TES: variants seen among roughly 807,000 people sequenced by gnomAD.
TES encodes testin LIM domain protein, also known as testin.
A neutral mutation model predicts 48.2 loss-of-function variants in TES; 41 were observed. That is an observed-to-expected ratio of 0.85 (90% CI 0.66 to 1.10). TES has a LOEUF of 1.10. TES is among the 50% of genes least tolerant of loss of function. The pLI is 0.00. For synonymous variants in TES, 162 were observed against 174.9 expected, an observed-to-expected ratio of 0.93 and a Z score of 0.58; for missense variants, 463 against 515.1, an observed-to-expected ratio of 0.90 and a Z score of 0.98.
chr7:116,214,536 G>A (rs1799472859), intron 1 of TES, among the ~76,000 whole-genome samples: 1 of 152,158 alleles, frequency 6.6e-6, no homozygotes, highest in Non-Finnish European at 1.5e-5. Context: ...AACAAGTGCA[G>A]AAGAAAATGA....
At chr7:116,226,083 C>G (rs868339505) in intron 1 of TES, among the ~76,000 whole-genome samples, 1 of 152,136 alleles carries the variant, frequency 6.6e-6, no homozygotes, top group Non-Finnish European at 1.5e-5. Context: ...TTATCACCAC[C>G]CCTTCCAGTG....
Position 116,250,767 on chromosome 7 carries a change from G to T in TES, c.702+271G>T, listed in dbSNP as rs1343332242. ...AGACAGTAGTTGGTATTGGCATGCT[G>T]ATCAAAGACAGCATTATTATTCTAT... On this transcript the variant is annotated intron_variant, in intron 4 of 6. Coordinates refer to ENST00000358204, the MANE Select transcript of TES (RefSeq NM_015641.4). Among the ~76,000 whole-genome samples, 4 of 152,158 alleles carry T rather than the reference G, an allele frequency of 2.6e-5. No homozygotes were observed. In the South Asian group the frequency reaches 8.3e-4, roughly 32 times the overall value.
chr7:116,222,862 C>G (rs1379659717), intron 1 of TES: 1 of 485,392 alleles, frequency 2.1e-6, no homozygotes, highest in African/African-American at 2.1e-5. Flanking sequence ...TGTCTTTCAG[C>G]GGAGCCAGAG....
intron 1 of TES, among the ~76,000 whole-genome samples, chr7:116,218,841 G>C (rs753271532): frequency 2.0e-5 from 3 of 151,980 alleles, no homozygotes; most frequent in Non-Finnish European, 2.9e-5. Flanking sequence ...TTAATCATTG[G>C]TTGATATTTT....
At chr7:116,239,061 T>C (rs369912809) in intron 2 of TES, 3 of 152,232 alleles carry the variant, frequency 2.0e-5, no homozygotes, top group Admixed American at 6.5e-5. Context: ...TTCTTGTTGG[T>C]AGAATCTATT....
intron 1 of TES, among the ~76,000 whole-genome samples, chr7:116,221,118 G>C (rs1799552286): frequency 6.6e-6 from 1 of 151,584 alleles, no homozygotes; most frequent in African/African-American, 2.4e-5. Flanking sequence ...TTAAATTACT[G>C]GATTTAATAT....
intron 2 of TES, among the ~76,000 whole-genome samples, chr7:116,236,608 C>T (rs1799775568): frequency 1.3e-5 from 2 of 152,158 alleles, no homozygotes; most frequent in African/African-American, 4.8e-5. Context: ...ACTTAACCTG[C>T]ATTCTTTTTA....
At chr7:116,228,385 C>T (rs1406382510) in intron 1 of TES, among the ~76,000 whole-genome samples, 2 of 152,108 alleles carry the variant, frequency 1.3e-5, no homozygotes, top group Non-Finnish European at 2.9e-5. Context: ...TTCTTGGACG[C>T]TGAAGAAGAA....
In TES at chr7:116,251,764, G is replaced by A. The variant is rs1490374897; in HGVS notation, c.707G>A (p.Cys236Tyr). Residue 236 changes from cysteine to tyrosine, a missense_variant, in exon 5 of 7, where the codon TGC (cysteine) becomes TAC (tyrosine). Physicochemically the swap from Cys to Tyr is radical, Grantham distance 194. Coordinates refer to ENST00000358204, the MANE Select transcript of TES (RefSeq NM_015641.4). ...TCTGGATGGCTTCCCTTTCAGTCCT[G>A]CTATTGCTGCAAACTGAGTATGAAA... is the stretch of plus-strand genomic sequence containing the variant. ...SAEHKRTQYSCYCCKLSMKEG... is the reference protein window; with the variant it reads ...SAEHKRTQYSYYCCKLSMKEG... 1 of 1,613,922 alleles carries A rather than the reference G, an allele frequency of 6.2e-7. No individual in the cohort carries two copies. The highest frequency in any genetic ancestry group is 8.5e-7 in the Non-Finnish European group (1 of 1,179,918).
rs113610873 is a variant in TES at position 116,252,675 on chromosome 7, A to G, written c.1077+199A>G. On this transcript the variant is annotated intron_variant, in intron 6 of 6. Coordinates refer to ENST00000358204, the MANE Select transcript of TES (RefSeq NM_015641.4). The stretch of plus-strand genomic sequence containing the variant: ...GACTATGAGCCACCTCAAGATTTCT[A>G]CTTGTGAAATTTACAATATCAATTA... 7.7e-4 allele frequency: 516 copies of G among 669,220 alleles called. No individual in the cohort carries two copies. The African/African-American group carries it at 8.8e-3, about 11-fold the overall frequency. 41.5% of individuals were successfully genotyped at this position (669,220 alleles called of 1,614,324 possible).
chr7:116,232,956 G>T (rs774842882), intron 1 of TES, among the ~76,000 whole-genome samples: 1 of 152,176 alleles, frequency 6.6e-6, no homozygotes, highest in Non-Finnish European at 1.5e-5. Context: ...TATGGAAAAA[G>T]GATGTGGTCA....
intron 2 of TES, among the ~76,000 whole-genome samples, chr7:116,242,743 AAACTT>A (rs543498515): frequency 1.1e-4 from 16 of 152,082 alleles, no homozygotes; most frequent in Non-Finnish European, 1.6e-4. Context: ...TAAATTTAGA[AAACTT>A]AGTAAATTCT....
rs890961426 is a variant in TES, at chr7:116,251,846, A to G, written c.789A>G (p.Pro263=). The change falls in exon 5 of 7, where the codon CCA becomes CCG. Residue 263 remains proline, a synonymous_variant. Coordinates refer to ENST00000358204, the MANE Select transcript of TES (RefSeq NM_015641.4). ...ERAGYDKLWH[P]ACFVCSTCHE... ...CTGGCTATGATAAACTGTGGCACCC[A>G]GCTTGTTTTGTCTGCAGCACCTGCC... 8 of 1,614,072 alleles carry G rather than the reference A, an allele frequency of 5.0e-6. No homozygotes were observed. The highest frequency in any genetic ancestry group is 1.3e-5 in the African/African-American group (1 of 74,926).
At chr7:116,228,426 C>G (rs1799652264) in intron 1 of TES, among the ~76,000 whole-genome samples, 1 of 152,158 alleles carries the variant, frequency 6.6e-6, no homozygotes, top group South Asian at 2.1e-4. Flanking sequence ...TTTATTGATG[C>G]TGGCCAGAAT....
At chr7:116,240,091 A>G (rs986450761) in intron 2 of TES, among the ~76,000 whole-genome samples, 1 of 152,212 alleles carries the variant, frequency 6.6e-6, no homozygotes. Flanking sequence ...AAAATTCCCT[A>G]CCATAAATGG....
chr7:116,233,252 C>CT (rs1563008917), intron 1 of TES, among the ~76,000 whole-genome samples: 1 of 152,218 alleles, frequency 6.6e-6, no homozygotes. Context: ...GCTGGCTACT[C>CT]TTTTTTTTCC....
At position 116,214,383 on chromosome 7, in the gene TES, T is replaced by C. The variant is rs1023912382; in HGVS notation, c.27+3649T>C. ...CCCCTGGTTGAAGTGGAAAAGGCAATATATGGTGACCTGGATGCTCAAATC... is the reference window on the plus strand; with the variant it reads ...CCCCTGGTTGAAGTGGAAAAGGCAACATATGGTGACCTGGATGCTCAAATC... On this transcript the variant is annotated intron_variant, in intron 1 of 6. Transcript: ENST00000358204. Among the ~76,000 whole-genome samples the C allele has an allele frequency of 2.0e-5, 3 of 152,122 alleles. No homozygotes were observed. In the East Asian group the frequency reaches 5.8e-4, roughly 29 times the overall value.
rs892709317 is a variant in TES, at chr7:116,234,549, G to A, written c.43G>A (p.Glu15Lys). ...TTTTTAACAGATGGGCTTAGGTCAC[G>A]AGCAAGGATTTGGAGCCCCTTGTTT... ...NKVKKMGLGHEQGFGAPCLKC... is the reference protein window; with the variant it reads ...NKVKKMGLGHKQGFGAPCLKC... Residue 15 changes from glutamate (E) to lysine (K), a missense_variant, in exon 2 of 7, where the codon GAG becomes AAG. Physicochemically the swap from Glu to Lys is moderately conservative, Grantham distance 56 (BLOSUM62 1). Coordinates refer to ENST00000358204, the MANE Select transcript of TES (RefSeq NM_015641.4). The A allele has an allele frequency of 2.5e-6, 4 of 1,613,666 alleles. No homozygotes were observed. The African/African-American group carries it at 4.0e-5, about 16-fold the overall frequency.
intron 1 of TES, among the ~76,000 whole-genome samples, chr7:116,213,440 A>G (rs1049039716): frequency 2.6e-5 from 4 of 152,260 alleles, no homozygotes; most frequent in African/African-American, 9.6e-5. Flanking sequence ...TTCCAGACAG[A>G]TGAAAAGCAT....
Sources: gnomAD v4.1 joint callset for allele counts (sites outside exome capture counted in the v4.1 genomes callset) on GRCh38, gnomAD v4.1.1 for gene constraint, MANE v1.5 for transcripts, NCBI Gene and HGNC (gene_info 2026-07-23, HGNC 2026-07-21) for gene names.